Variants in TMEM267 observed in about 807,000 individuals in gnomAD.
TMEM267 encodes transmembrane protein C5orf28.
Under a neutral mutation model 19.3 loss-of-function variants are expected in TMEM267, and 20 were observed. The ratio of observed to expected loss-of-function variants is 1.04; its 90% confidence interval spans 0.73 to 1.51. The LOEUF (loss-of-function observed/expected upper bound fraction) is 1.51, where lower values mean the gene tolerates loss of function less well. Ranked by LOEUF, TMEM267 falls within the 40% of genes most tolerant of loss-of-function variation. The pLI is 0.00. For synonymous variants in TMEM267, 88 were observed against 90.3 expected, an observed-to-expected ratio of 0.97 and a Z score of 0.15; for missense variants, 242 against 261.9, an observed-to-expected ratio of 0.92 and a Z score of 0.52.
In TMEM267 at chr5:43,446,457, T is replaced by C; in HGVS notation, c.413A>G (p.Lys138Arg). The C allele has an allele frequency of 6.2e-7, 1 of 1,613,836 alleles. No individual in the cohort carries two copies. Among genetic ancestry groups the C allele is most frequent in the Non-Finnish European group, 8.5e-7 (1 of 1,179,744 alleles). The change falls in exon 3 of 3, where the codon AAA (lysine) becomes AGA (arginine). Residue 138 changes from lysine (K) to arginine (R), a missense_variant. Lys to Arg is a conservative substitution (Grantham distance 26, BLOSUM62 2). Transcript: ENST00000397080. ...CCAGGGAAGAAAGCACCATGAGTCTTTGAGCTTGAAAAGGTGCATAGTAAA... is the reference window on the plus strand; with the variant it reads ...CCAGGGAAGAAAGCACCATGAGTCTCTGAGCTTGAAAAGGTGCATAGTAAA... ...LKFTMHLFKL[K>R]DSWCFLPWML...
At chr5:43,459,543 A>G (rs1743136000) in intron 1 of TMEM267, among the ~76,000 whole-genome samples, 1 of 152,202 alleles carries the variant, frequency 6.6e-6, no homozygotes, top group African/African-American at 2.4e-5. Context: ...ATGTCTAAGA[A>G]ATACAAACAA....
intron 1 of TMEM267, among the ~76,000 whole-genome samples, chr5:43,455,152 A>G (rs1222246757): frequency 6.6e-6 from 1 of 152,216 alleles, no homozygotes; most frequent in Admixed American, 6.5e-5. Context: ...GGCTGGGCAC[A>G]GTGGCTTACA....
At chr5:43,474,460 C>T (rs1744286628) in intron 1 of TMEM267, among the ~76,000 whole-genome samples, 1 of 152,158 alleles carries the variant, frequency 6.6e-6, no homozygotes, top group Admixed American at 6.5e-5. Flanking sequence ...TGAACAGACA[C>T]TTCTCAAAAG....
At chr5:43,450,139 C>A (rs1409919432) in intron 2 of TMEM267, among the ~76,000 whole-genome samples, 1 of 151,904 alleles carries the variant, frequency 6.6e-6, no homozygotes, top group Non-Finnish European at 1.5e-5. Context: ...GAACTATAGG[C>A]ATACACCACC....
At chr5:43,464,085 T>C (rs1337198873) in intron 1 of TMEM267, among the ~76,000 whole-genome samples, 19 of 152,068 alleles carry the variant, frequency 1.2e-4, no homozygotes, top group African/African-American at 2.9e-4. Context: ...TCTCCTTAAG[T>C]TGATAAGCAA....
chr5:43,470,748 A>G (rs542747821), intron 1 of TMEM267, among the ~76,000 whole-genome samples: 2 of 152,324 alleles, frequency 1.3e-5, no homozygotes, highest in South Asian at 4.1e-4. Context: ...TAGAGCAATC[A>G]GATAAGAGAA....
chr5:43,475,390 G>A (rs1744353946), intron 1 of TMEM267, among the ~76,000 whole-genome samples: 1 of 152,128 alleles, frequency 6.6e-6, no homozygotes, highest in South Asian at 2.1e-4. Flanking sequence ...TGGGGGGCTA[G>A]GGGAGGGATA....
At chr5:43,482,097 C>A (rs1035289733) in intron 1 of TMEM267, among the ~76,000 whole-genome samples, 1 of 152,226 alleles carries the variant, frequency 6.6e-6, no homozygotes, top group African/African-American at 2.4e-5. Context: ...CCCGCCTCGG[C>A]CTCCCAAAGT....
In TMEM267 at chr5:43,453,929, G is replaced by C; in HGVS notation, c.41C>G (p.Thr14Ser). ...GGAAATAAGAGATTCAGTGCTACAA[G>C]TCTGCAGTAAAGCATGGGTCTTTTC... ...ETEKTHALLQ[T>S]CSTESLISSL... The change falls in exon 2 of 3, where the codon ACT (threonine) becomes AGT (serine). Residue 14 changes from threonine to serine, a missense_variant. By Grantham distance (58) the Thr-to-Ser change is moderately conservative (BLOSUM62 1). Coordinates refer to ENST00000397080, the MANE Select transcript of TMEM267 (RefSeq NM_022483.5). 7 of 1,614,022 alleles carry C rather than the reference G, an allele frequency of 4.3e-6. No individual in the cohort carries two copies. The highest frequency in any genetic ancestry group is 5.1e-6 in the Non-Finnish European group (6 of 1,179,972).
intron 1 of TMEM267, among the ~76,000 whole-genome samples, chr5:43,470,289 C>T (rs374589112): frequency 8.5e-5 from 13 of 152,274 alleles, no homozygotes; most frequent in African/African-American, 3.1e-4. Context: ...ATTACAGGCA[C>T]ACACCACCAT....
At chr5:43,471,194 A>G (rs1262795691) in intron 1 of TMEM267, among the ~76,000 whole-genome samples, 1 of 152,120 alleles carries the variant, frequency 6.6e-6, no homozygotes, top group Non-Finnish European at 1.5e-5. Flanking sequence ...TCCACTTATA[A>G]TAGCCACACA....
chr5:43,469,034 A>G, intron 1 of TMEM267, among the ~76,000 whole-genome samples: 1 of 152,198 alleles, frequency 6.6e-6, no homozygotes. Context: ...ATAATAATGG[A>G]AACATAATAT....
chr5:43,481,623 T>A (rs1038843164), intron 1 of TMEM267, among the ~76,000 whole-genome samples: 3 of 152,044 alleles, frequency 2.0e-5, no homozygotes, highest in African/African-American at 7.2e-5. Context: ...ATAATGCGAA[T>A]GCATTTTACC....
At chr5:43,446,973 AT>A (rs1409095205) in intron 2 of TMEM267, among the ~76,000 whole-genome samples, 1 of 152,042 alleles carries the variant, frequency 6.6e-6, no homozygotes, top group African/African-American at 2.4e-5. Context: ...AGAGGGAAAT[AT>A]TTTTGTTATA....
At chr5:43,468,267 G>T (rs984540928) in intron 1 of TMEM267, among the ~76,000 whole-genome samples, 4 of 152,182 alleles carry the variant, frequency 2.6e-5, no homozygotes, top group Admixed American at 1.3e-4. Context: ...GGGGCTTTGG[G>T]CATTATCAAT....
At position 43,445,993 on chromosome 5, in the gene TMEM267, TA is replaced by T; in HGVS notation, c.*228del. ...AAAACAGTAAAAATATATTGTGGAATAAATGAAACTCTAATATTGCACTAGA... is the reference window on the plus strand; with the variant it reads ...AAAACAGTAAAAATATATTGTGGAATAATGAAACTCTAATATTGCACTAGA... On this transcript the variant is annotated 3_prime_UTR_variant, in exon 3 of 3. Coordinates refer to ENST00000397080, the MANE Select transcript of TMEM267 (RefSeq NM_022483.5). 1 of 273,292 alleles carries T rather than the reference TA, an allele frequency of 3.7e-6. No individual in the cohort carries two copies. Among genetic ancestry groups the T allele is most frequent in the Non-Finnish European group, 6.8e-6 (1 of 147,324 alleles). 16.9% of individuals were successfully genotyped at this position (273,292 alleles called of 1,614,324 possible). A position where few individuals can be genotyped will look rare whatever the true frequency, so the allele number is the denominator to read the frequency against.
chr5:43,462,264 A>G (rs1026330577), intron 1 of TMEM267, among the ~76,000 whole-genome samples: 12 of 152,220 alleles, frequency 7.9e-5, no homozygotes, highest in Middle Eastern at 3.2e-3. Flanking sequence ...AGTTTAGATT[A>G]TAACACCAAA....
intron 1 of TMEM267, among the ~76,000 whole-genome samples, chr5:43,455,843 G>A (rs571057168): frequency 1.2e-4 from 19 of 152,130 alleles, no homozygotes; most frequent in Admixed American, 5.9e-4. Context: ...GTGAGCCATC[G>A]TGCCCAGCCA....
intron 2 of TMEM267, among the ~76,000 whole-genome samples, chr5:43,452,339 G>A (rs73100636): frequency 0.012 from 1,850 of 152,084 alleles, 34 homozygotes; most frequent in African/African-American, 0.043. Context: ...GTGAAATGAT[G>A]CAGAAACAGA....
Sources: gnomAD v4.1 joint callset for allele counts (sites outside exome capture counted in the v4.1 genomes callset) on GRCh38, gnomAD v4.1.1 for gene constraint, MANE v1.5 for transcripts, NCBI Gene and HGNC (gene_info 2026-07-23, HGNC 2026-07-21) for gene names.